Variants in DOK7 observed in about 807,000 individuals in gnomAD.
The protein encoded by DOK7 is docking protein 7.
DOK7 carries 32 observed loss-of-function variants against 30.7 expected under a neutral mutation model. That is an observed-to-expected ratio of 1.04 (90% CI 0.79 to 1.40). DOK7 has a LOEUF of 1.40. Ranked by LOEUF, DOK7 falls within the 40% of genes most tolerant of loss-of-function variation. The probability of loss-of-function intolerance (pLI) is 0.00; values close to 1 mark genes in which losing one functional copy is unlikely to be tolerated. For missense variants in DOK7, 1,007 were observed against 699.2 expected, an observed-to-expected ratio of 1.44 and a Z score of -4.97; for synonymous variants, 447 against 324.1, an observed-to-expected ratio of 1.38 and a Z score of -4.07.
intron 4 of DOK7, among the ~76,000 whole-genome samples, chr4:3,479,186 C>T (rs1030898954): frequency 1.3e-5 from 2 of 152,244 alleles, no homozygotes; most frequent in African/African-American, 4.8e-5. Context: ...GTGGCCCCGG[C>T]GGCCTCGGCT....
chr4:3,466,233 C>T (rs182302728), intron 2 of DOK7, among the ~76,000 whole-genome samples: 73 of 152,306 alleles, frequency 4.8e-4, no homozygotes, highest in African/African-American at 1.6e-3. Context: ...GGAAGTTCCG[C>T]GCCTGCCCCC....
chr4:3,477,173 C>T (rs553588665), intron 4 of DOK7, among the ~76,000 whole-genome samples: 52 of 152,380 alleles, frequency 3.4e-4, no homozygotes, highest in African/African-American at 1.2e-3. Flanking sequence ...GCAGGTTGTT[C>T]CAGCAACCCC....
At chr4:3,479,339 C>T (rs1221509032) in intron 4 of DOK7, among the ~76,000 whole-genome samples, 1 of 152,272 alleles carries the variant, frequency 6.6e-6, no homozygotes, top group Non-Finnish European at 1.5e-5. Context: ...TCCGCAGAGG[C>T]TCCTGTTCAC....
chr4:3,489,903 TTCATTCATTCCTTCTGTCTCCTGC>T (rs1471070397), intron 6 of DOK7, 107 bp downstream of exon 6: 51 of 1,466,040 alleles, frequency 3.5e-5, no homozygotes, highest in Non-Finnish European at 4.5e-5. Flanking sequence ...CCTCTGCTCA[TTCATTCATTCCTTCTGTCTCCTGC>T]TCATTCATTC....
intron 6 of DOK7, among the ~76,000 whole-genome samples, chr4:3,492,164 C>T (rs542670845): frequency 4.1e-4 from 63 of 152,164 alleles, no homozygotes; most frequent in African/African-American, 1.4e-3. Context: ...GCCTGGCAGG[C>T]GGGAGGCAGC....
At position 3,493,885 on chromosome 4, in the gene DOK7, C is replaced by A; in HGVS notation, c.*384C>A. ...CTTGTCCTCCTTGGGCCTCACGCCC[C>A]CTTCGGGGGTGGCCGGTTCTCCCCA... is the stretch of plus-strand genomic sequence containing the variant. On this transcript the variant is annotated 3_prime_UTR_variant, in exon 7 of 7. Transcript: ENST00000340083. 9.2e-7 allele frequency: 1 copy of A among 1,090,830 alleles called. No individual in the cohort carries two copies. The highest frequency in any genetic ancestry group is 1.7e-5 in the African/African-American group (1 of 60,020). The allele number at this position is 1,090,830 out of a possible 1,614,324, so 67.6% of individuals were successfully genotyped here.
chr4:3,472,097 G>A (rs1726795841), intron 2 of DOK7, among the ~76,000 whole-genome samples: 2 of 152,356 alleles, frequency 1.3e-5, no homozygotes, highest in Non-Finnish European at 2.9e-5. Context: ...CCTTGCAGAG[G>A]AAGCTTGCTG....
chr4:3,476,098 C>T (rs1022398030), intron 3 of DOK7, among the ~76,000 whole-genome samples: 2 of 151,898 alleles, frequency 1.3e-5, no homozygotes, highest in African/African-American at 4.8e-5. Context: ...TCTCACCCCA[C>T]CTGTCCACAG....
At chr4:3,475,068 A>T (rs1726986040) in intron 3 of DOK7, among the ~76,000 whole-genome samples, 2 of 152,232 alleles carry the variant, frequency 1.3e-5, no homozygotes. Flanking sequence ...TCCCCAAGGC[A>T]GCAGCCCCTC....
intron 6 of DOK7, 142 bp downstream of exon 6, chr4:3,489,938 T>G: frequency 7.5e-7 from 1 of 1,326,418 alleles, no homozygotes; most frequent in Non-Finnish European, 1.0e-6. Flanking sequence ...TCATTCATTC[T>G]TCCCCCAACT....
chr4:3,473,612 C>T lies in DOK7; in HGVS notation c.307C>T (p.Arg103Trp), dbSNP rs777229686. 26 of 1,595,650 alleles carry T rather than the reference C, an allele frequency of 1.6e-5. No homozygotes were observed. The highest frequency in any genetic ancestry group is 9.4e-5 in the African/African-American group (7 of 74,526). ...CGAGGCCATGTGTGCGTGGGATGCC[C>T]GGATCCGCTATGCGCTCGGCGAGGG... is the stretch of plus-strand genomic sequence containing the variant. ...SHEAMCAWDA[R>W]IRYALGEVHR... is the part of the protein sequence containing the mutation. The change falls in exon 3 of 7, where the codon CGG (arginine) becomes TGG (tryptophan). Residue 103 changes from arginine to tryptophan, a missense_variant. Arg to Trp is a moderately radical substitution (Grantham distance 101). Transcript: ENST00000340083.
At position 3,485,620 on chromosome 4, in the gene DOK7, C is replaced by T. The variant is rs773920653; in HGVS notation, c.614C>T (p.Pro205Leu). Residue 205 changes from proline to leucine, a missense_variant, in exon 5 of 7, where the codon CCC becomes CTC. Coordinates refer to ENST00000340083, the MANE Select transcript of DOK7 (RefSeq NM_173660.5). Reference protein sequence around the residue: ...LFDCIVRGISPTKGPFGLRPV... With the variant: ...LFDCIVRGISLTKGPFGLRPV... ...GACTGCATCGTCCGAGGCATCTCCC[C>T]CACCAAGGGCCCCTTTGGGCTGCGG... 8.1e-6 allele frequency: 13 copies of T among 1,606,036 alleles called. No individual in the cohort carries two copies. The East Asian group carries it at 1.1e-4, about 14-fold the overall frequency.
chr4:3,494,305 G>A lies in DOK7; in HGVS notation c.*804G>A. ...AGGCCTCAGCCCCTGCGTCGGAGGT[G>A]GGGCTGTGTTGGGCCCATTGTCCCC... On this transcript the variant is annotated 3_prime_UTR_variant, in exon 7 of 7. Coordinates refer to ENST00000340083, the MANE Select transcript of DOK7 (RefSeq NM_173660.5). 2.0e-6 allele frequency: 2 copies of A among 985,628 alleles called. No individual in the cohort carries two copies. The highest frequency in any genetic ancestry group is 2.4e-6 in the Non-Finnish European group (2 of 830,094). 61.1% of individuals were successfully genotyped at this position (985,628 alleles called of 1,614,324 possible).
chr4:3,468,684 G>A (rs1726506241), intron 2 of DOK7, among the ~76,000 whole-genome samples: 1 of 149,790 alleles, frequency 6.7e-6, no homozygotes, highest in African/African-American at 2.5e-5. Context: ...GCATGCCTGT[G>A]TGTGCATGTA....
chr4:3,490,521 A>ATTT (rs1728260408), intron 6 of DOK7, among the ~76,000 whole-genome samples: 1 of 20,422 alleles, frequency 4.9e-5, no homozygotes, highest in Non-Finnish European at 9.1e-5. Flanking sequence ...TCTTTCCTTC[A>ATTT]CCCCCCCGCT....
chr4:3,491,267 CTTCA>C (rs1440106538), intron 6 of DOK7, among the ~76,000 whole-genome samples: 101 of 119,522 alleles, frequency 8.5e-4, no homozygotes, highest in African/African-American at 2.9e-3. Flanking sequence ...TCATTCATTC[CTTCA>C]TTCATTCCTT....
intron 3 of DOK7, 38 bp downstream of exon 3, chr4:3,473,674 G>A (rs745533364): frequency 2.0e-5 from 30 of 1,507,050 alleles, no homozygotes; most frequent in East Asian, 7.4e-5. Context: ...GGGGCTCCCC[G>A]TTCAGGTGTG....
intron 4 of DOK7, among the ~76,000 whole-genome samples, chr4:3,484,003 A>G (rs1023085622): frequency 6.6e-6 from 1 of 152,102 alleles, no homozygotes; most frequent in Non-Finnish European, 1.5e-5. Flanking sequence ...CCCACCTCCA[A>G]TTCTGATCAG....
chr4:3,493,247 C>A lies in DOK7; in HGVS notation c.1261C>A (p.Pro421Thr). ...LCLAPRDHSP[P>T]SQGSPGNSAA... is the part of the protein sequence containing the mutation. ...CCTGGCTCCTAGAGACCACAGCCCC[C>A]CCTCACAGGGCAGCCCCGGCAACAG... Residue 421 changes from proline (P) to threonine (T), a missense_variant, in exon 7 of 7, where the codon CCC (proline) becomes ACC (threonine). Pro to Thr is a conservative substitution (Grantham distance 38, BLOSUM62 -1). Coordinates refer to ENST00000340083, the MANE Select transcript of DOK7 (RefSeq NM_173660.5). The A allele has an allele frequency of 1.2e-6, 2 of 1,612,010 alleles. No homozygotes were observed. Among genetic ancestry groups the A allele is most frequent in the South Asian group, 1.1e-5 (1 of 91,006 alleles).
Sources: allele counts gnomAD v4.1 joint callset (sites outside exome capture counted in the v4.1 genomes callset), GRCh38; gene constraint gnomAD v4.1.1; transcripts MANE v1.5; gene names NCBI Gene and HGNC (gene_info 2026-07-23, HGNC 2026-07-21).